GRIN2A: variants seen among roughly 807,000 people sequenced by gnomAD.
GRIN2A encodes the protein glutamate ionotropic receptor NMDA type subunit 2A, also known as glutamate receptor ionotropic, NMDA 2A.
Under a neutral mutation model 113.4 loss-of-function variants are expected in GRIN2A, and 22 were observed. The ratio of observed to expected loss-of-function variants is 0.19; its 90% confidence interval spans 0.14 to 0.28. The LOEUF (loss-of-function observed/expected upper bound fraction) is 0.28, where lower values mean the gene tolerates loss of function less well. Among genes scored for constraint, GRIN2A ranks in the 10% least tolerant of loss-of-function variants. GRIN2A has a pLI of 1.00. For missense variants in GRIN2A, 1,502 were observed against 1,887.0 expected (o/e 0.80, Z 3.78); for synonymous variants, 827 against 738.4 (o/e 1.12, Z -1.94).
intron 2 of GRIN2A, among the ~76,000 whole-genome samples, chr16:10,014,789 T>A (rs1596417142): frequency 6.6e-6 from 1 of 152,140 alleles, no homozygotes; most frequent in South Asian, 2.1e-4. Flanking sequence ...TAGAAGGCCA[T>A]GAACAAAGAG....
intron 3 of GRIN2A, among the ~76,000 whole-genome samples, chr16:9,906,582 TG>T (rs2044032415): frequency 6.6e-6 from 1 of 152,184 alleles, no homozygotes; most frequent in Admixed American, 6.5e-5. Context: ...ACTGTCTTTC[TG>T]GATTAAAAAA....
chr16:10,071,806 C>T (rs1054983977), intron 2 of GRIN2A, among the ~76,000 whole-genome samples: 5 of 152,184 alleles, frequency 3.3e-5, no homozygotes, highest in African/African-American at 9.6e-5. Context: ...GAGAAGTGGA[C>T]GGGAGCCGAC....
intron 3 of GRIN2A, among the ~76,000 whole-genome samples, chr16:9,936,438 G>C (rs1234623749): frequency 1.3e-5 from 2 of 152,160 alleles, no homozygotes; most frequent in African/African-American, 2.4e-5. Flanking sequence ...TTTGAACCCA[G>C]ACAAGTCTAA....
At chr16:9,924,465 T>C (rs1024797103) in intron 3 of GRIN2A, among the ~76,000 whole-genome samples, 75 of 152,232 alleles carry the variant, frequency 4.9e-4, no homozygotes, top group Non-Finnish European at 1.0e-4. Context: ...CTCTGACAGC[T>C]TTCAACTGTG....
intron 2 of GRIN2A, among the ~76,000 whole-genome samples, chr16:10,006,847 A>G (rs1307535070): frequency 6.6e-6 from 1 of 151,980 alleles, no homozygotes; most frequent in Non-Finnish European, 1.5e-5. Flanking sequence ...AATTGTTTTA[A>G]TTTTCAGCTC....
chr16:9,882,120 G>C (rs913854536), intron 4 of GRIN2A, among the ~76,000 whole-genome samples: 2 of 152,070 alleles, frequency 1.3e-5, no homozygotes, highest in African/African-American at 2.4e-5. Context: ...GTTTTCTTGA[G>C]ATCTTGAAAC....
At chr16:10,047,761 C>A (rs1166244995) in intron 2 of GRIN2A, among the ~76,000 whole-genome samples, 1 of 152,178 alleles carries the variant, frequency 6.6e-6, no homozygotes, top group Non-Finnish European at 1.5e-5. Context: ...CCTGGAATAG[C>A]CTTTGAAAGA....
chr16:10,139,243 CT>C, intron 2 of GRIN2A, among the ~76,000 whole-genome samples: 1 of 152,228 alleles, frequency 6.6e-6, no homozygotes, highest in Non-Finnish European at 1.5e-5. Context: ...GTGCAGAACA[CT>C]TTTGCACCTC....
At chr16:10,000,372 C>G (rs541776574) in intron 2 of GRIN2A, among the ~76,000 whole-genome samples, 8 of 151,870 alleles carry the variant, frequency 5.3e-5, no homozygotes, top group African/African-American at 1.9e-4. Context: ...TTTTTTTCTC[C>G]TCCTAAAAGG....
intron 4 of GRIN2A, among the ~76,000 whole-genome samples, chr16:9,855,570 A>C (rs67346571): frequency 0.31 from 46,464 of 152,010 alleles, 7,271 homozygotes; most frequent in African/African-American, 0.34. Flanking sequence ...TGAATCAGAT[A>C]ATCTCTAAGG....
intron 2 of GRIN2A, among the ~76,000 whole-genome samples, chr16:10,057,659 A>T (rs1325707976): frequency 6.6e-6 from 1 of 152,134 alleles, no homozygotes; most frequent in Non-Finnish European, 1.5e-5. Context: ...ATCACTTCCC[A>T]AAGAGGCTTA....
intron 3 of GRIN2A, among the ~76,000 whole-genome samples, chr16:9,906,227 A>G (rs1055921053): frequency 1.3e-5 from 2 of 152,200 alleles, no homozygotes; most frequent in African/African-American, 4.8e-5. Flanking sequence ...CCCACTGTCC[A>G]AAAATAAAAT....
At chr16:9,990,056 G>T (rs890767650) in intron 2 of GRIN2A, among the ~76,000 whole-genome samples, 1 of 151,998 alleles carries the variant, frequency 6.6e-6, no homozygotes, top group African/African-American at 2.4e-5. Context: ...GAAAATAAAT[G>T]GTTCCACCAA....
intron 2 of GRIN2A, among the ~76,000 whole-genome samples, chr16:10,079,925 T>G (rs774213217): frequency 2.0e-4 from 30 of 152,232 alleles, no homozygotes; most frequent in Admixed American, 1.3e-4. Context: ...AATTCCTGTA[T>G]GAAGAATTGC....
chr16:9,971,784 C>G (rs1200643656), intron 2 of GRIN2A, among the ~76,000 whole-genome samples: 1 of 151,820 alleles, frequency 6.6e-6, no homozygotes, highest in Non-Finnish European at 1.5e-5. Flanking sequence ...CCCTCCCACA[C>G]CCAAACAGGT....
intron 2 of GRIN2A, among the ~76,000 whole-genome samples, chr16:10,003,221 C>T (rs1030446064): frequency 6.6e-6 from 1 of 152,092 alleles, no homozygotes; most frequent in African/African-American, 2.4e-5. Flanking sequence ...AGATGAAGAG[C>T]AGAAACAGAA....
At chr16:9,809,354 T>C (rs918688609) in intron 10 of GRIN2A, among the ~76,000 whole-genome samples, 7 of 151,962 alleles carry the variant, frequency 4.6e-5, no homozygotes, top group East Asian at 1.9e-4. Context: ...CACTTGAACC[T>C]GGGAGGCAGA....
intron 5 of GRIN2A, among the ~76,000 whole-genome samples, chr16:9,845,120 T>C (rs1037449377): frequency 2.6e-5 from 4 of 152,100 alleles, no homozygotes; most frequent in African/African-American, 9.7e-5. Context: ...AGTCAGACTT[T>C]CATTTCATCC....
chr16:10,081,348 G>C (rs545197786), intron 2 of GRIN2A, among the ~76,000 whole-genome samples: 1 of 152,326 alleles, frequency 6.6e-6, no homozygotes, highest in South Asian at 2.1e-4. Context: ...GTCTCAGCTT[G>C]TGCTTCTAAG....
Sources: gnomAD v4.1 joint callset for allele counts (sites outside exome capture counted in the v4.1 genomes callset) on GRCh38, gnomAD v4.1.1 for gene constraint, MANE v1.5 for transcripts, NCBI Gene and HGNC (gene_info 2026-07-23, HGNC 2026-07-21) for gene names.